ASTN2: variants seen among roughly 807,000 people sequenced by gnomAD.
ASTN2 encodes the protein astrotactin 2, also known as astrotactin-2.
In ASTN2, 54 loss-of-function variants were observed where a neutral mutation model predicts 139.8. The observed-to-expected ratio is 0.39, with a 90% confidence interval of 0.31 to 0.48. ASTN2 has a LOEUF of 0.48. Ranked by LOEUF, ASTN2 falls within the 20% of genes least tolerant of loss-of-function variation. ASTN2 has a pLI of 0.95. For synonymous variants in ASTN2, 756 were observed against 719.5 expected, an observed-to-expected ratio of 1.05 and a Z score of -0.81; for missense variants, 1,565 against 1,725.1, an observed-to-expected ratio of 0.91 and a Z score of 1.64.
Position 116,698,558 on chromosome 9 carries a change from G to T in ASTN2, c.2806+27213C>A. 6.2e-7 allele frequency: 1 copy of T among 1,613,968 alleles called. No individual in the cohort carries two copies. Among genetic ancestry groups the T allele is most frequent in the Non-Finnish European group, 8.5e-7 (1 of 1,180,014 alleles). On this transcript the variant is annotated intron_variant, in intron 16 of 22. Transcript: ENST00000313400. This position sits in a 1 kb window ranked among gnomAD's most constrained non-coding sequence, Gnocchi z 4.4. The stretch of plus-strand genomic sequence containing the variant: ...AGCTCACTGCCAGCTTGCCTCGGGA[G>T]CTCACCCTGCAAGATGTGGAGCTCC...
At chr9:116,970,264 T>TCTTAACTCCCCTTTGGG (rs1836150598) in intron 10 of ASTN2, among the ~76,000 whole-genome samples, 2 of 152,234 alleles carry the variant, frequency 1.3e-5, no homozygotes, top group South Asian at 4.1e-4. Flanking sequence ...TAAGATCTGA[T>TCTTAACTCCCCTTTGGG]GATACCTTTG....
chr9:117,092,914 A>G (rs1828741058), intron 5 of ASTN2, among the ~76,000 whole-genome samples: 1 of 152,126 alleles, frequency 6.6e-6, no homozygotes, highest in Non-Finnish European at 1.5e-5. Context: ...CAGCCCAGCC[A>G]AAGGGGACAA....
chr9:116,471,185 T>C (rs1467711588), intron 20 of ASTN2, among the ~76,000 whole-genome samples: 1 of 152,162 alleles, frequency 6.6e-6, no homozygotes, highest in Admixed American at 6.5e-5. Flanking sequence ...GAAAGATCTA[T>C]GTAATGGTGT....
intron 3 of ASTN2, among the ~76,000 whole-genome samples, chr9:117,210,680 G>A (rs1283653676): frequency 6.6e-6 from 1 of 152,118 alleles, no homozygotes; most frequent in Non-Finnish European, 1.5e-5. Context: ...CATTGAAGCA[G>A]AGGGAATTCT....
intron 1 of ASTN2, among the ~76,000 whole-genome samples, chr9:117,301,567 T>C (rs1834875943): frequency 6.6e-6 from 1 of 152,178 alleles, no homozygotes; most frequent in African/African-American, 2.4e-5. Context: ...TTCAGTGTTT[T>C]CACCACTGTC....
At chr9:117,346,489 C>A (rs1829221869) in intron 1 of ASTN2, among the ~76,000 whole-genome samples, 2 of 152,162 alleles carry the variant, frequency 1.3e-5, no homozygotes, top group Admixed American at 1.3e-4. Flanking sequence ...AACACACTCA[C>A]CTGTGCTTAT....
At chr9:116,680,699 G>A (rs987342255) in intron 16 of ASTN2, among the ~76,000 whole-genome samples, 2 of 152,176 alleles carry the variant, frequency 1.3e-5, no homozygotes, top group Admixed American at 1.3e-4. Flanking sequence ...CTTCATCCCT[G>A]GGATGCAAGG....
At chr9:117,133,166 C>A (rs1445465392) in intron 4 of ASTN2, among the ~76,000 whole-genome samples, 1 of 152,154 alleles carries the variant, frequency 6.6e-6, no homozygotes, top group Admixed American at 6.5e-5. Context: ...TTGGGGGAGA[C>A]CTGTGGAAAT....
chr9:117,251,704 A>C (rs1833543268), intron 2 of ASTN2, among the ~76,000 whole-genome samples: 1 of 152,222 alleles, frequency 6.6e-6, no homozygotes, highest in Non-Finnish European at 1.5e-5. Context: ...CTGGCTTTAG[A>C]AAGTTCACAC....
intron 19 of ASTN2, among the ~76,000 whole-genome samples, chr9:116,589,036 T>C (rs1487904413): frequency 6.6e-6 from 1 of 152,150 alleles, no homozygotes; most frequent in Non-Finnish European, 1.5e-5. Flanking sequence ...TCCCAATAAT[T>C]AGCAAATACG....
Position 116,733,514 on chromosome 9 carries a change from G to T in ASTN2, c.2406C>A (p.Asn802Lys). The change falls in exon 14 of 23, where the codon AAC becomes AAA. Residue 802 changes from asparagine to lysine, a missense_variant. Asn to Lys is a moderately conservative substitution (Grantham distance 94). Around this residue, in one of 4 missense-constraint regions of ASTN2, gnomAD observed 503 missense variants for 591.7 expected, o/e 0.85. Coordinates refer to ENST00000313400, the MANE Select transcript of ASTN2 (RefSeq NM_001365068.1). Reference sequence around the variant, plus strand: ...CCAGCTGGGGAAAGTCCTTGATGAAGTTGTTCTCCCTGTGGAGAGGAGCAG... The same window carrying T: ...CCAGCTGGGGAAAGTCCTTGATGAATTTGTTCTCCCTGTGGAGAGGAGCAG... ...QVFQMTFREN[N>K]FIKDFPQLAD... The T allele has an allele frequency of 6.2e-7, 1 of 1,614,192 alleles. No homozygotes were observed. The highest frequency in any genetic ancestry group is 1.3e-5 in the African/African-American group (1 of 75,056).
At chr9:116,450,767 C>G (rs1305245079) in intron 20 of ASTN2, among the ~76,000 whole-genome samples, 1 of 152,202 alleles carries the variant, frequency 6.6e-6, no homozygotes, top group Non-Finnish European at 1.5e-5. Context: ...CTCTCACATG[C>G]AGCCACCCAC....
chr9:117,133,014 T>C (rs1289428554), intron 4 of ASTN2, among the ~76,000 whole-genome samples: 4 of 152,120 alleles, frequency 2.6e-5, no homozygotes, highest in Non-Finnish European at 4.4e-5. Context: ...TATTAAGCAG[T>C]TTCTCTAAAG....
chr9:116,712,026 A>G (rs574081671), intron 16 of ASTN2, among the ~76,000 whole-genome samples: 2 of 152,214 alleles, frequency 1.3e-5, no homozygotes, highest in Non-Finnish European at 2.9e-5. Flanking sequence ...AAGTGCTCCT[A>G]GCAAAGGTAC....
chr9:117,009,227 C>T (rs1396659929), intron 6 of ASTN2, among the ~76,000 whole-genome samples: 1 of 152,146 alleles, frequency 6.6e-6, no homozygotes, highest in Non-Finnish European at 1.5e-5. Flanking sequence ...TTTCTGATGG[C>T]TAACATTTCT....
intron 4 of ASTN2, among the ~76,000 whole-genome samples, chr9:117,126,932 G>A (rs562915728): frequency 6.6e-6 from 1 of 152,310 alleles, no homozygotes; most frequent in East Asian, 1.9e-4. Flanking sequence ...TGAGGTTGGA[G>A]ACCCTGGGTA....
At chr9:116,433,975 A>G (rs1847571871) in intron 22 of ASTN2, among the ~76,000 whole-genome samples, 1 of 152,204 alleles carries the variant, frequency 6.6e-6, no homozygotes, top group Non-Finnish European at 1.5e-5. Flanking sequence ...TGGAACTGAT[A>G]GGAACTTCAA....
chr9:117,014,776 G>A (rs1187450635), intron 6 of ASTN2, among the ~76,000 whole-genome samples: 3 of 151,986 alleles, frequency 2.0e-5, no homozygotes, highest in East Asian at 1.9e-4. Flanking sequence ...AGAGGATATT[G>A]GGGCCCAGGT....
chr9:116,962,867 C>T (rs1170538916), intron 10 of ASTN2, among the ~76,000 whole-genome samples: 3 of 152,112 alleles, frequency 2.0e-5, no homozygotes, highest in East Asian at 3.9e-4. Flanking sequence ...TTTGAGATAG[C>T]GTAAAGGTGT....
Sources: allele counts gnomAD v4.1 joint callset (sites outside exome capture counted in the v4.1 genomes callset), GRCh38; gene constraint gnomAD v4.1.1; regional missense constraint gnomAD v4.1.1; non-coding constraint Gnocchi (gnomAD v3.1); transcripts MANE v1.5; gene names NCBI Gene and HGNC (gene_info 2026-07-23, HGNC 2026-07-21).